Variants in EPC1 observed in about 807,000 individuals in gnomAD.
EPC1 encodes the protein enhancer of polycomb 1, also known as enhancer of polycomb homolog 1.
In EPC1, 12 loss-of-function variants were observed where a neutral mutation model predicts 98.4. The ratio of observed to expected loss-of-function variants is 0.12; its 90% CI spans 0.08 to 0.20. The LOEUF is 0.20. Ranked by LOEUF, EPC1 falls within the 10% of genes least tolerant of loss-of-function variation. The probability of loss-of-function intolerance (pLI) is 1.00; values close to 1 mark genes in which losing one functional copy is unlikely to be tolerated. For missense variants in EPC1, 729 were observed against 990.5 expected, an observed-to-expected ratio of 0.74 and a Z score of 3.54; for synonymous variants, 357 against 363.9, an observed-to-expected ratio of 0.98 and a Z score of 0.21.
intron 1 of EPC1, among the ~76,000 whole-genome samples, chr10:32,373,608 A>G (rs1249199437): frequency 6.6e-6 from 1 of 152,154 alleles, no homozygotes; most frequent in Non-Finnish European, 1.5e-5. Context: ...TCTAAGAAAC[A>G]CTGTGCTATG....
At chr10:32,343,679 G>T in intron 1 of EPC1, among the ~76,000 whole-genome samples, 1 of 107,292 alleles carries the variant, frequency 9.3e-6, no homozygotes, top group East Asian at 3.3e-4. Flanking sequence ...AACATTTTCT[G>T]CCTCCAAATT....
chr10:32,365,306 A>T (rs1386108560), intron 1 of EPC1, among the ~76,000 whole-genome samples: 2 of 152,244 alleles, frequency 1.3e-5, no homozygotes, highest in Non-Finnish European at 2.9e-5. Context: ...AAACTTTAGC[A>T]TAAAGGCTAA....
At chr10:32,316,149 T>C (rs996648667) in intron 1 of EPC1, among the ~76,000 whole-genome samples, 1 of 152,208 alleles carries the variant, frequency 6.6e-6, no homozygotes, top group African/African-American at 2.4e-5. Context: ...CCTTACCAGT[T>C]ATCCCACTAT....
upstream of EPC1, among the ~76,000 whole-genome samples, chr10:32,348,481 G>C (rs1291893261): frequency 2.6e-5 from 4 of 152,204 alleles, no homozygotes; most frequent in African/African-American, 9.7e-5. Flanking sequence ...GATATGAGCT[G>C]TCACTAGCTT....
chr10:32,293,360 T>C (rs192466684), intron 3 of EPC1, among the ~76,000 whole-genome samples, 166 bp from the exon 4 acceptor site: 1 of 152,286 alleles, frequency 6.6e-6, no homozygotes, highest in East Asian at 1.9e-4. Context: ...GTGCTTTATA[T>C]ACATTATTTC....
At chr10:32,279,302 C>A (rs376138276) in intron 10 of EPC1, among the ~76,000 whole-genome samples, 1 of 150,012 alleles carries the variant, frequency 6.7e-6, no homozygotes, top group Non-Finnish European at 1.5e-5. Flanking sequence ...GAGCCAAGAT[C>A]GTGCTACTGC....
At chr10:32,347,255 C>T (rs1248606926), upstream of EPC1, 19 of 1,139,014 alleles carry the variant, frequency 1.7e-5, no homozygotes, top group African/African-American at 3.2e-5. Context: ...AGGCCGGCGC[C>T]GGCACGAAGC....
chr10:32,292,900 T>C, intron 4 of EPC1, 88 bp downstream of exon 4: 5 of 901,364 alleles, frequency 5.5e-6, no homozygotes, highest in Non-Finnish European at 8.0e-6. Context: ...CATATTTGAA[T>C]ATAAATTAAA....
chr10:32,359,970 T>C (rs1839391453), intron 1 of EPC1, among the ~76,000 whole-genome samples: 2 of 152,166 alleles, frequency 1.3e-5, no homozygotes, highest in African/African-American at 4.8e-5. Context: ...GTATCATTCG[T>C]AGGTATATTT....
rs1303727908 is a variant in EPC1, at chr10:32,347,112, T to C, written c.-197A>G. On this transcript the variant is annotated 5_prime_UTR_variant, in exon 1 of 14. Transcript: ENST00000319778. Reference sequence around the variant, plus strand: ...CGCTCCGCTCCTCTCTCGCTCGCTCTCTTCAATACGCCATGGCCAACATGG... The same window carrying C: ...CGCTCCGCTCCTCTCTCGCTCGCTCCCTTCAATACGCCATGGCCAACATGG... 1.4e-6 allele frequency: 2 copies of C among 1,435,882 alleles called. No homozygotes were observed. Among genetic ancestry groups the C allele is most frequent in the Non-Finnish European group, 1.8e-6 (2 of 1,100,272 alleles). 88.9% of individuals were successfully genotyped at this position (1,435,882 alleles called of 1,614,324 possible). A position where few individuals can be genotyped will look rare whatever the true frequency, so the allele number is the denominator to read the frequency against.
chr10:32,375,373 A>G (rs974111303), intron 1 of EPC1, among the ~76,000 whole-genome samples: 1 of 152,076 alleles, frequency 6.6e-6, no homozygotes, highest in Non-Finnish European at 1.5e-5. Flanking sequence ...TTACCCTACC[A>G]TTACCTATCA....
chr10:32,345,295 A>T (rs1258007308), intron 1 of EPC1: 1 of 985,338 alleles, frequency 1.0e-6, no homozygotes, highest in East Asian at 1.1e-4. Context: ...GCTTATCTGT[A>T]AAGTTAGATT....
intron 1 of EPC1, among the ~76,000 whole-genome samples, chr10:32,322,940 T>TAA (rs201571453): frequency 6.6e-6 from 1 of 151,704 alleles, no homozygotes; most frequent in African/African-American, 2.4e-5. Context: ...CCATTTTTTT[T>TAA]AAAAAAACCA....
chr10:32,346,649 C>T (rs1838842853), intron 1 of EPC1, 114 bp downstream of exon 1: 4 of 1,050,372 alleles, frequency 3.8e-6, no homozygotes, highest in Admixed American at 2.1e-5. Flanking sequence ...GACTGAGAGT[C>T]GGCGGCGAAG....
At chr10:32,289,162 C>T (rs986519757) in intron 6 of EPC1, among the ~76,000 whole-genome samples, 1 of 151,870 alleles carries the variant, frequency 6.6e-6, no homozygotes. Flanking sequence ...ATTACAAATG[C>T]AGGACATAAA....
intron 10 of EPC1, among the ~76,000 whole-genome samples, chr10:32,275,765 A>C (rs1836056338): frequency 1.3e-5 from 2 of 150,054 alleles, no homozygotes; most frequent in Non-Finnish European, 3.0e-5. Context: ...ACAGAGCAAG[A>C]CTCCTTCTAA....
chr10:32,358,690 T>C (rs1839355758), intron 1 of EPC1, among the ~76,000 whole-genome samples: 1 of 150,862 alleles, frequency 6.6e-6, no homozygotes. Flanking sequence ...ATTTTCACGG[T>C]TTAAGGCACA....
chr10:32,356,759 C>T (rs1477494084), intron 1 of EPC1, among the ~76,000 whole-genome samples: 22 of 152,126 alleles, frequency 1.4e-4, no homozygotes, highest in African/African-American at 5.1e-4. Context: ...CCGAGGCGGG[C>T]GGATCACGGG....
intron 5 of EPC1, 24 bp downstream of exon 5, chr10:32,292,472 T>C: frequency 1.3e-6 from 2 of 1,512,764 alleles, no homozygotes; most frequent in Non-Finnish European, 1.8e-6. Context: ...ATACTTCCTC[T>C]AACATTATTA....
Sources: gnomAD v4.1 joint callset for allele counts (sites outside exome capture counted in the v4.1 genomes callset) on GRCh38, gnomAD v4.1.1 for gene constraint, MANE v1.5 for transcripts, NCBI Gene and HGNC (gene_info 2026-07-23, HGNC 2026-07-21) for gene names.